TANC2: variants seen among roughly 807,000 people sequenced by gnomAD.
TANC2 encodes the protein protein TANC2.
TANC2 carries 26 observed loss-of-function variants against 210.5 expected under a neutral mutation model. The ratio of observed to expected loss-of-function variants is 0.12; its 90% CI spans 0.09 to 0.17. The LOEUF is 0.17. Among genes scored for constraint, TANC2 ranks in the 10% least tolerant of loss-of-function variants. The pLI is 1.00. For missense variants in TANC2, 2,129 were observed against 2,608.9 expected, an observed-to-expected ratio of 0.82 and a Z score of 4.01; for synonymous variants, 931 against 967.1, an observed-to-expected ratio of 0.96 and a Z score of 0.69.
intron 4 of TANC2, among the ~76,000 whole-genome samples, chr17:63,127,527 A>G (rs567936704): frequency 3.9e-5 from 6 of 152,328 alleles, no homozygotes; most frequent in African/African-American, 1.4e-4. Context: ...TGTCACAAAA[A>G]TTGTATAGAT....
At chr17:63,387,489 C>T (rs954563276) in intron 15 of TANC2, among the ~76,000 whole-genome samples, 1 of 152,328 alleles carries the variant, frequency 6.6e-6, no homozygotes, top group South Asian at 2.1e-4. Flanking sequence ...CGCATAAACA[C>T]ACCTTCCTGA....
chr17:63,238,149 A>G, intron 8 of TANC2, 72 bp downstream of exon 8: 6 of 1,433,308 alleles, frequency 4.2e-6, no homozygotes, highest in Non-Finnish European at 5.5e-6. Flanking sequence ...TATTGAAATG[A>G]AAATAAATCC....
intron 2 of TANC2, among the ~76,000 whole-genome samples, chr17:63,054,417 G>A (rs981330344): frequency 6.6e-6 from 1 of 152,158 alleles, no homozygotes. Context: ...CTGTTGCCAG[G>A]CTGGAGTATA....
At chr17:62,987,348 G>A (rs750801188) in intron 1 of TANC2, among the ~76,000 whole-genome samples, 2 of 152,284 alleles carry the variant, frequency 1.3e-5, no homozygotes. Flanking sequence ...AGATGAGGGC[G>A]CACTTCAGAG....
At chr17:63,168,741 A>G (rs1311749297) in intron 5 of TANC2, among the ~76,000 whole-genome samples, 1 of 152,160 alleles carries the variant, frequency 6.6e-6, no homozygotes, top group Non-Finnish European at 1.5e-5. Flanking sequence ...GCTATGGCTT[A>G]GTGGGATTCC....
At chr17:63,350,531 T>C (rs1310641663) in intron 12 of TANC2, among the ~76,000 whole-genome samples, 2 of 152,190 alleles carry the variant, frequency 1.3e-5, no homozygotes, top group Non-Finnish European at 2.9e-5. Flanking sequence ...CAATGCCGGA[T>C]CATGTGGAGT....
intron 5 of TANC2, among the ~76,000 whole-genome samples, chr17:63,167,729 G>A (rs984550357): frequency 6.6e-6 from 1 of 151,640 alleles, no homozygotes; most frequent in Admixed American, 6.6e-5. Context: ...CAAAGATTTA[G>A]AGTGTTCAGG....
At position 63,187,543 on chromosome 17, in the gene TANC2, T is replaced by G. The variant is rs1225184803; in HGVS notation, c.434-6448T>G. 5.6e-5 allele frequency among the ~76,000 whole-genome samples: 8 copies of G among 141,822 alleles called. No homozygotes were observed. The Admixed American group carries it at 5.7e-4, about 10-fold the overall frequency. The allele number at this position is 141,822 out of a possible 152,430, so 93.0% of individuals were successfully genotyped here. A position where few individuals can be genotyped will look rare whatever the true frequency, so the allele number is the denominator to read the frequency against. On this transcript the variant is annotated intron_variant, in intron 5 of 27. Coordinates refer to ENST00000689528, the Ensembl canonical transcript of TANC2. ...CCCAGAGAGAACAACCACCAAAAATTATGTTTTTTATATATATATATACAT... is the reference window on the plus strand; with the variant it reads ...CCCAGAGAGAACAACCACCAAAAATGATGTTTTTTATATATATATATACAT...
At chr17:63,247,712 G>A (rs2042955672) in intron 8 of TANC2, among the ~76,000 whole-genome samples, 1 of 152,078 alleles carries the variant, frequency 6.6e-6, no homozygotes, top group Admixed American at 6.5e-5. Context: ...TATACCATCA[G>A]AGATCAGATA....
At chr17:63,094,484 C>T (rs572325440) in intron 3 of TANC2, among the ~76,000 whole-genome samples, 1 of 152,122 alleles carries the variant, frequency 6.6e-6, no homozygotes, top group Non-Finnish European at 1.5e-5. Context: ...GAAAAATTCA[C>T]CAATGATGTA....
chr17:63,411,513 G>T (rs1316954824), exon 22 of TANC2: 1 of 1,608,058 alleles, frequency 6.2e-7, no homozygotes, highest in South Asian at 1.1e-5. Context: ...CTTTGCAGGT[G>T]CCTCCATTGC....
intron 9 of TANC2, among the ~76,000 whole-genome samples, chr17:63,312,626 A>G (rs2045165989): frequency 6.6e-6 from 1 of 152,226 alleles, no homozygotes; most frequent in Admixed American, 6.5e-5. Flanking sequence ...TACTATGCTT[A>G]GTACCTGAGG....
At chr17:63,423,492 G>A (rs953011232) in exon 28 of TANC2, 7 of 152,238 alleles carry the variant, frequency 4.6e-5, no homozygotes, top group Non-Finnish European at 8.8e-5. Context: ...CAACTGAAAC[G>A]AAACAAAGGA....
chr17:63,325,869 G>T (rs2045630250), intron 11 of TANC2, among the ~76,000 whole-genome samples: 1 of 152,208 alleles, frequency 6.6e-6, no homozygotes, highest in Admixed American at 6.5e-5. Context: ...TTCATAAACT[G>T]TAGATTGAAT....
At chr17:63,000,968 C>CAAAAAAAAAA (rs3060700) in intron 1 of TANC2, among the ~76,000 whole-genome samples, 1 of 121,980 alleles carries the variant, frequency 8.2e-6, no homozygotes. Context: ...TTAGAACTAG[C>CAAAAAAAAAA]AAAAAAAAAA....
chr17:63,047,336 T>C (rs2144337451), intron 2 of TANC2, among the ~76,000 whole-genome samples: 1 of 152,342 alleles, frequency 6.6e-6, no homozygotes, highest in East Asian at 1.9e-4. Flanking sequence ...AAGTATAAAG[T>C]GAGGTAACTG....
intron 2 of TANC2, among the ~76,000 whole-genome samples, chr17:63,022,068 C>T (rs888943584): frequency 3.3e-5 from 5 of 151,958 alleles, no homozygotes; most frequent in South Asian, 2.1e-4. Flanking sequence ...AGGCCGGGCG[C>T]GGTGGGTCAT....
chr17:63,303,003 C>A (rs2044772406), intron 9 of TANC2, among the ~76,000 whole-genome samples: 1 of 152,154 alleles, frequency 6.6e-6, no homozygotes, highest in African/African-American at 2.4e-5. Context: ...CTCAGGTGAT[C>A]CACCTGCCTC....
rs184995214 is a variant in TANC2 at position 63,418,694 on chromosome 17, A to G, written c.4268+287A>G. On this transcript the variant is annotated intron_variant, in intron 27 of 27. Coordinates refer to ENST00000689528, the Ensembl canonical transcript of TANC2. The surrounding 1 kb of genome is among the most constrained non-coding windows in gnomAD (Gnocchi z 4.6). ...TCTGCCGTATCTCAGGCATTTTTCA[A>G]CCCCCAGAGCAGCTAGCACAAAGAG... Among the ~76,000 whole-genome samples the G allele has an allele frequency of 1.3e-5, 2 of 152,250 alleles. No homozygotes were observed. The highest frequency in any genetic ancestry group is 1.9e-4 in the East Asian group (1 of 5,176).
Sources: gnomAD v4.1 joint callset for allele counts (sites outside exome capture counted in the v4.1 genomes callset) on GRCh38, gnomAD v4.1.1 for gene constraint, Gnocchi (gnomAD v3.1) non-coding constraint, MANE v1.5 for transcripts, NCBI Gene and HGNC (gene_info 2026-07-23, HGNC 2026-07-21) for gene names.